WWOX: variants seen among roughly 807,000 people sequenced by gnomAD.
The protein encoded by WWOX is WW domain containing oxidoreductase, also known as WW domain-containing oxidoreductase.
In WWOX, 69 loss-of-function variants were observed where a neutral mutation model predicts 46.2. That is an observed-to-expected ratio of 1.49 (90% CI 1.23 to 1.82). The LOEUF (loss-of-function observed/expected upper bound fraction) is 1.82, where lower values mean the gene tolerates loss of function less well. Ranked by LOEUF, WWOX falls within the 40% of genes most tolerant of loss-of-function variation. The probability of loss-of-function intolerance (pLI) is 0.00; values close to 1 mark genes in which losing one functional copy is unlikely to be tolerated. For missense variants in WWOX, 919 were observed against 542.6 expected (o/e 1.69, Z -6.89); for synonymous variants, 359 against 202.6 (o/e 1.77, Z -6.56).
At chr16:78,969,853 A>T (rs1031109938) in intron 8 of WWOX, among the ~76,000 whole-genome samples, 1 of 152,148 alleles carries the variant, frequency 6.6e-6, no homozygotes, top group African/African-American at 2.4e-5. Flanking sequence ...TGGGGCGTGG[A>T]TGGAGGCATT....
At chr16:78,321,954 A>G (rs1185495494) in intron 5 of WWOX, among the ~76,000 whole-genome samples, 1 of 152,210 alleles carries the variant, frequency 6.6e-6, no homozygotes, top group Admixed American at 6.5e-5. Flanking sequence ...CACCTGCATA[A>G]GTGACAGACC....
At chr16:78,913,961 C>A (rs1462732471) in intron 8 of WWOX, among the ~76,000 whole-genome samples, 1 of 151,904 alleles carries the variant, frequency 6.6e-6, no homozygotes, top group Non-Finnish European at 1.5e-5. Flanking sequence ...GCACGTGGCC[C>A]ATACTGCTAT....
At chr16:78,605,961 A>G (rs1395069825) in intron 8 of WWOX, among the ~76,000 whole-genome samples, 1 of 152,220 alleles carries the variant, frequency 6.6e-6, no homozygotes, top group South Asian at 2.1e-4. Flanking sequence ...CAGCATCTGA[A>G]TTGAATGGGC....
chr16:78,720,358 T>A (rs998565020), intron 8 of WWOX, among the ~76,000 whole-genome samples: 20 of 152,208 alleles, frequency 1.3e-4, no homozygotes, highest in Non-Finnish European at 2.5e-4. Flanking sequence ...TATTTTTCTT[T>A]CTTTTCACAA....
intron 8 of WWOX, among the ~76,000 whole-genome samples, chr16:78,673,869 C>T (rs1427260984): frequency 1.3e-5 from 2 of 152,032 alleles, no homozygotes; most frequent in Non-Finnish European, 2.9e-5. Flanking sequence ...AAAAACATGC[C>T]AAGAGCAGCT....
chr16:79,177,462 A>G (rs1426624492), intron 8 of WWOX, among the ~76,000 whole-genome samples: 2 of 152,214 alleles, frequency 1.3e-5, no homozygotes, highest in Non-Finnish European at 2.9e-5. Context: ...GGTCAGGCTC[A>G]TAAAAGCAAC....
chr16:78,658,353 C>G (rs1227448024), intron 8 of WWOX, among the ~76,000 whole-genome samples: 2 of 152,222 alleles, frequency 1.3e-5, no homozygotes, highest in Non-Finnish European at 2.9e-5. Flanking sequence ...GTGCCATGCC[C>G]TGCTCTAAAC....
At position 78,422,663 on chromosome 16, in the gene WWOX, G is replaced by GTATGTATATA. The variant is rs1555536293; in HGVS notation, c.606-2204_606-2203insGTATATATAT. ...GCCCAGCCTCCTGTTTTTTTTACAT[G>GTATGTATATA]TATATATATATATATATATATACAC... On this transcript the variant is annotated intron_variant, in intron 6 of 8. Coordinates refer to ENST00000566780, the MANE Select transcript of WWOX (RefSeq NM_016373.4). Among the ~76,000 whole-genome samples, 55 of 24,410 alleles carry GTATGTATATA rather than the reference G, an allele frequency of 2.3e-3. 3 individuals carry two copies. The highest frequency in any genetic ancestry group is 5.3e-3 in the African/African-American group (54 of 10,266). 16.0% of individuals were successfully genotyped at this position (24,410 alleles called of 152,430 possible). A position where few individuals can be genotyped will look rare whatever the true frequency, so the allele number is the denominator to read the frequency against.
chr16:78,480,970 A>G lies in WWOX; in HGVS notation c.1056+48218A>G, dbSNP rs1198411386. Among the ~76,000 whole-genome samples, 4 of 152,238 alleles carry G rather than the reference A, an allele frequency of 2.6e-5. No individual in the cohort carries two copies. The South Asian group carries it at 8.3e-4, about 32-fold the overall frequency. On this transcript the variant is annotated intron_variant, in intron 8 of 8. Transcript: ENST00000566780. ...GAATAGCAAATAGTAAGAAAAGAGC[A>G]GGATTGGTACTTCACCTACTCCTAA...
At chr16:78,485,632 A>G (rs2084615200) in intron 8 of WWOX, among the ~76,000 whole-genome samples, 1 of 152,210 alleles carries the variant, frequency 6.6e-6, no homozygotes, top group Non-Finnish European at 1.5e-5. Flanking sequence ...CTGTGTTGAA[A>G]GAGCACTGCC....
chr16:78,946,462 A>T (rs1404685456), intron 8 of WWOX, among the ~76,000 whole-genome samples: 2 of 152,160 alleles, frequency 1.3e-5, no homozygotes, highest in African/African-American at 4.8e-5. Context: ...GAGTGCTAGG[A>T]TTAAAGGTGT....
chr16:78,147,310 A>G (rs922601212), intron 4 of WWOX, among the ~76,000 whole-genome samples: 13 of 152,174 alleles, frequency 8.5e-5, no homozygotes, highest in South Asian at 4.1e-4. Context: ...ACCAATCACA[A>G]TAAATGTCCG....
rs28386997 is a variant in WWOX, at chr16:78,581,893, G to A, written c.1056+149141G>A. On this transcript the variant is annotated intron_variant, in intron 8 of 8. Transcript: ENST00000566780. ...GTCATCCTCTATTTGAAATTAAAAT[G>A]TGTGGTCTCGAGATGACCTTAAAGT... Among the ~76,000 whole-genome samples, 707 of 152,238 alleles carry A rather than the reference G, an allele frequency of 4.6e-3. 7 individuals carry two copies. Among genetic ancestry groups the A allele is most frequent in the African/African-American group, 0.016 (668 of 41,528 alleles).
At chr16:78,909,020 A>C (rs2045040037) in intron 8 of WWOX, among the ~76,000 whole-genome samples, 1 of 152,196 alleles carries the variant, frequency 6.6e-6, no homozygotes, top group South Asian at 2.1e-4. Flanking sequence ...TTATTTTGGG[A>C]AAGGGCTGTT....
intron 8 of WWOX, among the ~76,000 whole-genome samples, chr16:78,823,514 C>G (rs1047752782): frequency 6.6e-6 from 1 of 152,170 alleles, no homozygotes. Context: ...GAGAGGTCAC[C>G]TGTCTGTGTA....
At chr16:78,590,146 G>C (rs200695879) in intron 8 of WWOX, among the ~76,000 whole-genome samples, 2,515 of 149,722 alleles carry the variant, frequency 0.017, 53 homozygotes, top group East Asian at 0.081. Context: ...TAGGCATTCA[G>C]TCTCTCTCTC....
intron 4 of WWOX, among the ~76,000 whole-genome samples, chr16:78,139,588 C>T (rs973204058): frequency 1.3e-5 from 2 of 152,042 alleles, no homozygotes; most frequent in African/African-American, 2.4e-5. Flanking sequence ...GAGGTTGCAG[C>T]GAGCTGAGAT....
intron 8 of WWOX, among the ~76,000 whole-genome samples, chr16:78,686,471 A>G (rs2047862001): frequency 6.6e-6 from 1 of 151,798 alleles, no homozygotes; most frequent in Admixed American, 6.6e-5. Flanking sequence ...AGATGGTGCC[A>G]CTGTACTCCA....
intron 8 of WWOX, among the ~76,000 whole-genome samples, chr16:78,879,128 G>T (rs1449062787): frequency 6.6e-6 from 1 of 152,104 alleles, no homozygotes; most frequent in South Asian, 2.1e-4. Flanking sequence ...CTAAGTACTT[G>T]TTAAGGCAGA....
Sources: allele counts gnomAD v4.1 joint callset (sites outside exome capture counted in the v4.1 genomes callset), GRCh38; gene constraint gnomAD v4.1.1; transcripts MANE v1.5; gene names NCBI Gene and HGNC (gene_info 2026-07-23, HGNC 2026-07-21).